The following INTS7 variants were observed in gnomAD, a reference collection of about 807,000 sequenced individuals.
INTS7 encodes the protein integrator complex subunit 7, also known as chromosome 1 open reading frame 73.
Under a neutral mutation model 109.2 loss-of-function variants are expected in INTS7, and 46 were observed. The ratio of observed to expected loss-of-function variants is 0.42; its 90% CI spans 0.33 to 0.54. The LOEUF (loss-of-function observed/expected upper bound fraction) is 0.54. INTS7 is among the 20% of genes least tolerant of loss of function. The pLI, the probability that INTS7 is intolerant of heterozygous loss-of-function variation, is 0.07. For synonymous variants in INTS7, 412 were observed against 402.9 expected (o/e 1.02, Z -0.27); for missense variants, 929 against 1,132.4 (o/e 0.82, Z 2.58).
intron 1 of INTS7, among the ~76,000 whole-genome samples, chr1:212,033,444 T>G (rs1299445564): frequency 6.6e-6 from 1 of 152,070 alleles, no homozygotes; most frequent in Non-Finnish European, 1.5e-5. Flanking sequence ...CTGGGAGGAG[T>G]GCAAATGATC....
intron 1 of INTS7, among the ~76,000 whole-genome samples, chr1:212,029,212 G>A (rs975451530): frequency 5.3e-5 from 8 of 152,190 alleles, no homozygotes; most frequent in African/African-American, 1.9e-4. Context: ...GGCTTATGAG[G>A]CAGAAAATGA....
rs764633619 is a variant in INTS7 at position 211,968,415 on chromosome 1, G to A, written c.2010+98C>T. Reference sequence around the variant, plus strand: ...TGAATAAACATTTATGATAATGTCTGAGTCAAACCACTGATTTTATATTTT... The same window carrying A: ...TGAATAAACATTTATGATAATGTCTAAGTCAAACCACTGATTTTATATTTT... On this transcript the variant is annotated intron_variant, in intron 14 of 19. Transcript: ENST00000366994. 81 of 990,222 alleles carry A rather than the reference G, an allele frequency of 8.2e-5. No individual in the cohort carries two copies. In the Middle Eastern group the frequency reaches 5.2e-3, roughly 63 times the overall value. 61.3% of individuals were successfully genotyped at this position (990,222 alleles called of 1,614,324 possible). A position where few individuals can be genotyped will look rare whatever the true frequency, so the allele number is the denominator to read the frequency against.
chr1:211,976,045 C>G (rs1053928787), intron 12 of INTS7, among the ~76,000 whole-genome samples: 1 of 151,990 alleles, frequency 6.6e-6, no homozygotes, highest in South Asian at 2.1e-4. Context: ...AGAGATTTGT[C>G]CGCCTTGGCC....
intron 5 of INTS7, among the ~76,000 whole-genome samples, chr1:212,007,818 T>C (rs933866783): frequency 2.0e-5 from 3 of 152,212 alleles, no homozygotes; most frequent in African/African-American, 7.2e-5. Context: ...ACAGTCTGAT[T>C]ATACTTATGA....
At chr1:212,019,258 A>AAATT (rs998252807) in intron 3 of INTS7, among the ~76,000 whole-genome samples, 57 of 152,252 alleles carry the variant, frequency 3.7e-4, no homozygotes, top group South Asian at 1.5e-3. Context: ...CTCAATAAAT[A>AAATT]AATTAATTAA....
At position 211,968,568 on chromosome 1, in the gene INTS7, G is replaced by A; in HGVS notation, c.1955C>T (p.Thr652Ile). 1 of 1,614,074 alleles carries A rather than the reference G, an allele frequency of 6.2e-7. No homozygotes were observed. The highest frequency in any genetic ancestry group is 8.5e-7 in the Non-Finnish European group (1 of 1,179,994). Residue 652 changes from threonine to isoleucine, a missense_variant, in exon 14 of 20, where the codon ACA (threonine) becomes ATA (isoleucine). Around this residue, in one of 2 missense-constraint regions of INTS7, gnomAD observed 787 missense variants for 901.1 expected, o/e 0.87. Transcript: ENST00000366994. ...KTSPPPAIAT[T>I]IAMTLGNDLQ... ...GTCATTTCCTAAGGTCATGGCAATT[G>A]TTGTGGCAATTGCAGGTGGTGGGCT...
chr1:212,025,636 GAA>G (rs1666883212), intron 1 of INTS7: 1 of 201,174 alleles, frequency 5.0e-6, no homozygotes, highest in African/African-American at 2.4e-5. Flanking sequence ...AAAACCCAGA[GAA>G]GAGACTGGAA....
rs529392485 is a variant in INTS7, at chr1:211,992,690, A to G, written c.880-4687T>C. 2.0e-5 allele frequency among the ~76,000 whole-genome samples: 3 copies of G among 152,288 alleles called. No individual in the cohort carries two copies. In the South Asian group the frequency reaches 6.2e-4, roughly 32 times the overall value. ...AGGGTAAGACTCTGTCTTAAAAATA[A>G]TAATAATAAAATTAAAAAACACTGA... On this transcript the variant is annotated intron_variant, in intron 7 of 19. Transcript: ENST00000366994.
chr1:211,978,971 T>TA (rs1365914082), intron 10 of INTS7, among the ~76,000 whole-genome samples: 1 of 152,182 alleles, frequency 6.6e-6, no homozygotes, highest in African/African-American at 2.4e-5. Context: ...TTCACAGTTT[T>TA]AAAAAGACGG....
intron 1 of INTS7, among the ~76,000 whole-genome samples, chr1:212,027,649 C>T (rs1358130613): frequency 2.0e-5 from 3 of 152,238 alleles, no homozygotes; most frequent in Non-Finnish European, 2.9e-5. Flanking sequence ...AACATTATTT[C>T]GCACTTAAAG....
chr1:212,035,004 G>A (rs1667359986), intron 1 of INTS7, among the ~76,000 whole-genome samples: 1 of 152,202 alleles, frequency 6.6e-6, no homozygotes, highest in African/African-American at 2.4e-5. Flanking sequence ...CAACTGAACA[G>A]ACTGAAAACC....
intron 13 of INTS7, among the ~76,000 whole-genome samples, chr1:211,969,418 G>A (rs1664062176): frequency 6.6e-6 from 1 of 151,818 alleles, no homozygotes. Context: ...TAAAGTCGGG[G>A]GCAGAAAGAA....
chr1:211,947,894 CCTTT>C (rs1161342458), intron 17 of INTS7, among the ~76,000 whole-genome samples: 11 of 152,324 alleles, frequency 7.2e-5, no homozygotes, highest in East Asian at 1.9e-4. Flanking sequence ...AACTACTCTG[CCTTT>C]CTTTATTACT....
At chr1:211,944,521 T>C (rs932112567) in intron 19 of INTS7, among the ~76,000 whole-genome samples, 1 of 152,148 alleles carries the variant, frequency 6.6e-6, no homozygotes, top group Non-Finnish European at 1.5e-5. Context: ...GGCATTGGAG[T>C]TAGGTTTTCC....
At chr1:212,006,970 G>T (rs961441876) in intron 6 of INTS7, among the ~76,000 whole-genome samples, 1 of 151,612 alleles carries the variant, frequency 6.6e-6, no homozygotes, top group East Asian at 1.9e-4. Flanking sequence ...ACAGGCCCTG[G>T]CATTTTACAG....
rs933179260 is a variant in INTS7 at position 211,946,492 on chromosome 1, C to CA, written c.2415+114dup. On this transcript the variant is annotated intron_variant, in intron 18 of 19. Coordinates refer to ENST00000366994, the MANE Select transcript of INTS7 (RefSeq NM_015434.4). The surrounding 1 kb of genome is among the most constrained non-coding windows in gnomAD (Gnocchi z 4.3). Reference sequence around the variant, plus strand: ...CTCTGTCTCAAAAAACAAAACAAAACAAAAAAACCAATAAACCAAAGGTAA... The same window carrying CA: ...CTCTGTCTCAAAAAACAAAACAAAACAAAAAAAACCAATAAACCAAAGGTAA... 1.3e-5 allele frequency: 8 copies of CA among 630,176 alleles called. No homozygotes were observed. The highest frequency in any genetic ancestry group is 6.2e-5 in the Admixed American group (2 of 32,322). 39.0% of individuals were successfully genotyped at this position (630,176 alleles called of 1,614,324 possible).
At chr1:211,981,369 TAA>T (rs142491865) in intron 9 of INTS7, among the ~76,000 whole-genome samples, 179 bp from the exon 10 acceptor site, 3,934 of 152,318 alleles carry the variant, frequency 0.026, 57 homozygotes, top group African/African-American at 0.045. Context: ...TTCTAGAATG[TAA>T]AGTCTATCTT....
intron 8 of INTS7, 145 bp from the exon 9 acceptor site, chr1:211,982,955 T>C (rs1664728621): frequency 1.7e-6 from 1 of 572,080 alleles, no homozygotes; most frequent in Non-Finnish European, 3.1e-6. Flanking sequence ...CCACTATCAA[T>C]ACATATCAGC....
chr1:211,969,233 C>T (rs1042149882), intron 13 of INTS7, among the ~76,000 whole-genome samples: 19 of 150,778 alleles, frequency 1.3e-4, no homozygotes, highest in African/African-American at 3.7e-4. Context: ...TGCTGTGAGC[C>T]GAGATTGCAC....
Sources: allele counts gnomAD v4.1 joint callset (sites outside exome capture counted in the v4.1 genomes callset), GRCh38; gene constraint gnomAD v4.1.1; regional missense constraint gnomAD v4.1.1; non-coding constraint Gnocchi (gnomAD v3.1); transcripts MANE v1.5; gene names NCBI Gene and HGNC (gene_info 2026-07-23, HGNC 2026-07-21).